The following PMFBP1 variants were observed in gnomAD, a reference collection of about 807,000 sequenced individuals.
PMFBP1 encodes polyamine-modulated factor 1-binding protein 1.
Under a neutral mutation model 137.8 loss-of-function variants are expected in PMFBP1, and 131 were observed. The observed-to-expected ratio is 0.95, with a 90% CI of 0.82 to 1.10. The LOEUF (loss-of-function observed/expected upper bound fraction) is 1.10. Ranked by LOEUF, PMFBP1 falls within the 50% of genes least tolerant of loss-of-function variation. PMFBP1 has a pLI of 0.00. For missense variants in PMFBP1, 1,199 were observed against 1,175.4 expected (o/e 1.02, Z -0.29); for synonymous variants, 490 against 450.4 (o/e 1.09, Z -1.11).
Position 72,130,514 on chromosome 16 carries a change from G to A in PMFBP1, c.1637+19C>T, listed in dbSNP as rs2042534067. On this transcript the variant is annotated intron_variant, in intron 11 of 20. Transcript: ENST00000237353. Reference sequence around the variant, plus strand: ...GAGTGACAGAACCTCTCTCTGGAGGGGAGCCTGAGCCTGGGCACCTGTTGG... The same window carrying A: ...GAGTGACAGAACCTCTCTCTGGAGGAGAGCCTGAGCCTGGGCACCTGTTGG... 6.2e-7 allele frequency: 1 copy of A among 1,613,666 alleles called. No individual in the cohort carries two copies. Among genetic ancestry groups the A allele is most frequent in the African/African-American group, 1.3e-5 (1 of 75,024 alleles).
chr16:72,212,453 T>C, the PMFBP1 span, among the ~76,000 whole-genome samples: 1 of 149,540 alleles, frequency 6.7e-6, no homozygotes, highest in African/African-American at 2.5e-5. Flanking sequence ...AAGCTATGAG[T>C]GCTTTTAAAA....
intron 3 of PMFBP1, among the ~76,000 whole-genome samples, chr16:72,158,278 G>A (rs1283689023): frequency 3.9e-5 from 6 of 152,198 alleles, no homozygotes; most frequent in Admixed American, 3.9e-4. Flanking sequence ...CTGGAGGAAA[G>A]TTGATGAGAC....
the PMFBP1 span, among the ~76,000 whole-genome samples, chr16:72,220,110 G>A: frequency 6.6e-6 from 1 of 152,158 alleles, no homozygotes; most frequent in Non-Finnish European, 1.5e-5. Context: ...ATAACTCTTT[G>A]AAAAGTAACT....
the PMFBP1 span, among the ~76,000 whole-genome samples, chr16:72,232,881 T>C: frequency 2.6e-5 from 4 of 152,096 alleles, no homozygotes; most frequent in Admixed American, 1.3e-4. Context: ...GTCTCCATTT[T>C]TATAGTCTGG....
chr16:72,172,756 C>T (rs549657068), upstream of PMFBP1, among the ~76,000 whole-genome samples: 5 of 151,888 alleles, frequency 3.3e-5, no homozygotes, highest in East Asian at 1.9e-4. Flanking sequence ...GTCTACTAAG[C>T]GTGCAATAGT....
intron 3 of PMFBP1, among the ~76,000 whole-genome samples, chr16:72,156,653 T>C (rs1055650625): frequency 1.3e-5 from 2 of 152,036 alleles, no homozygotes; most frequent in Non-Finnish European, 1.5e-5. Flanking sequence ...GATTCCTTTT[T>C]ATTGCTGGAT....
the PMFBP1 span, among the ~76,000 whole-genome samples, chr16:72,218,057 G>T: frequency 3.3e-5 from 5 of 152,118 alleles, no homozygotes; most frequent in Non-Finnish European, 5.9e-5. Context: ...GTTTGAACAA[G>T]ATCCTGTTTG....
the PMFBP1 span, among the ~76,000 whole-genome samples, chr16:72,204,394 GTT>G: frequency 6.6e-6 from 1 of 152,058 alleles, no homozygotes; most frequent in African/African-American, 2.4e-5. Context: ...TGGAGATAGG[GTT>G]TTACTATGTT....
the PMFBP1 span, among the ~76,000 whole-genome samples, chr16:72,187,226 A>G: frequency 6.6e-6 from 1 of 152,246 alleles, no homozygotes; most frequent in African/African-American, 2.4e-5. Context: ...TAAAATAATC[A>G]TTAGGACAAT....
At chr16:72,151,033 G>A (rs547217042) in intron 4 of PMFBP1, among the ~76,000 whole-genome samples, 1 of 152,240 alleles carries the variant, frequency 6.6e-6, no homozygotes, top group Non-Finnish European at 1.5e-5. Flanking sequence ...GCCCTAGTTA[G>A]AGGTAAGCTC....
At chr16:72,200,057 T>C in the PMFBP1 span, among the ~76,000 whole-genome samples, 1 of 152,358 alleles carries the variant, frequency 6.6e-6, no homozygotes, top group East Asian at 1.9e-4. Flanking sequence ...GGGAGAAAAC[T>C]ACATGGCAAG....
chr16:72,207,128 A>T, the PMFBP1 span, among the ~76,000 whole-genome samples: 4 of 152,156 alleles, frequency 2.6e-5, no homozygotes, highest in Non-Finnish European at 4.4e-5. Context: ...GTGGAGACAG[A>T]TGGGATGAAC....
the PMFBP1 span, among the ~76,000 whole-genome samples, chr16:72,188,715 T>G: frequency 6.6e-6 from 1 of 152,186 alleles, no homozygotes; most frequent in African/African-American, 2.4e-5. Context: ...TTTACTGGAC[T>G]GAAGAAGTTG....
At chr16:72,246,210 T>C in the PMFBP1 span, among the ~76,000 whole-genome samples, 1 of 152,186 alleles carries the variant, frequency 6.6e-6, no homozygotes, top group African/African-American at 2.4e-5. Context: ...GCATTAATAT[T>C]AAATTACTGT....
the PMFBP1 span, among the ~76,000 whole-genome samples, chr16:72,184,893 C>T: frequency 2.6e-5 from 4 of 152,230 alleles, no homozygotes; most frequent in Admixed American, 2.0e-4. Context: ...AATACTACTG[C>T]CCACTCCTCC....
upstream of PMFBP1, among the ~76,000 whole-genome samples, chr16:72,178,563 T>C (rs1270950891): frequency 6.6e-6 from 1 of 152,232 alleles, no homozygotes; most frequent in Non-Finnish European, 1.5e-5. Context: ...ACCCATTTAA[T>C]TAATGTATTG....
chr16:72,139,522 G>A (rs2042684176), intron 6 of PMFBP1, 123 bp from the exon 7 acceptor site: 1 of 778,440 alleles, frequency 1.3e-6, no homozygotes, highest in Non-Finnish European at 2.2e-6. Context: ...CAATTCATCA[G>A]GCATTCCCTG....
the PMFBP1 span, among the ~76,000 whole-genome samples, chr16:72,248,711 T>C: frequency 6.6e-6 from 1 of 152,190 alleles, no homozygotes; most frequent in Non-Finnish European, 1.5e-5. Flanking sequence ...TAAATCAACT[T>C]CTGGTTCATT....
the PMFBP1 span, among the ~76,000 whole-genome samples, chr16:72,208,809 G>A: frequency 6.6e-6 from 1 of 152,178 alleles, no homozygotes; most frequent in Non-Finnish European, 1.5e-5. Flanking sequence ...GTGCGAGATG[G>A]GTCAGAAAGG....
Sources: gnomAD v4.1 joint callset for allele counts (sites outside exome capture counted in the v4.1 genomes callset) on GRCh38, gnomAD v4.1.1 for gene constraint, MANE v1.5 for transcripts, NCBI Gene and HGNC (gene_info 2026-07-23, HGNC 2026-07-21) for gene names.